The following PROSER1 variants were observed in gnomAD, a reference collection of about 807,000 sequenced individuals.
The protein encoded by PROSER1 is proline and serine-rich protein 1.
PROSER1 carries 36 observed loss-of-function variants against 71.8 expected under a neutral mutation model. The ratio of observed to expected loss-of-function variants is 0.50; its 90% confidence interval spans 0.38 to 0.66. The LOEUF is 0.66. Among genes scored for constraint, PROSER1 ranks in the 30% least tolerant of loss-of-function variants. The pLI is 0.00. For synonymous variants in PROSER1, 490 were observed against 452.4 expected, an observed-to-expected ratio of 1.08 and a Z score of -1.06; for missense variants, 1,107 against 1,135.0, an observed-to-expected ratio of 0.98 and a Z score of 0.35.
At chr13:39,024,584 T>G (rs1206357529) in intron 6 of PROSER1, 28 bp from the exon 7 acceptor site, 7 of 1,409,522 alleles carry the variant, frequency 5.0e-6, no homozygotes, top group Non-Finnish European at 6.8e-6. Flanking sequence ...AAAAGGTAAT[T>G]GAAACTTAAA....
chr13:39,012,296 AT>A (rs1446875207), intron 11 of PROSER1, 63 bp from the exon 12 acceptor site: 1 of 1,490,032 alleles, frequency 6.7e-7, no homozygotes, highest in Non-Finnish European at 9.3e-7. Context: ...CTGTTTCCAT[AT>A]TTGTCAAATA....
Position 39,037,460 on chromosome 13 carries a change from A to G in PROSER1, c.-218T>C. On this transcript the variant is annotated 5_prime_UTR_variant, in exon 1 of 13. Transcript: ENST00000352251. ...AAAAACTCTTTTTATTAAAAAGAAA[A>G]AACACTCCAGTCAGGCTTCCCCAGC... The G allele has an allele frequency of 1.8e-6, 1 of 546,814 alleles. No individual in the cohort carries two copies. The highest frequency in any genetic ancestry group is 3.2e-6 in the Non-Finnish European group (1 of 309,198). 33.9% of individuals were successfully genotyped at this position (546,814 alleles called of 1,614,324 possible). A position where few individuals can be genotyped will look rare whatever the true frequency, so the allele number is the denominator to read the frequency against.
intron 2 of PROSER1, among the ~76,000 whole-genome samples, chr13:39,033,012 C>T (rs1208574615): frequency 4.6e-5 from 7 of 152,072 alleles, no homozygotes; most frequent in Non-Finnish European, 1.0e-4. Context: ...GCTCTGCCTC[C>T]TGGGTTCAAG....
In PROSER1 at chr13:39,014,754, C is replaced by T. The variant is rs17227206; in HGVS notation, c.776-278G>A. On this transcript the variant is annotated intron_variant, in intron 10 of 12. Transcript: ENST00000352251. ...TGCGAAGTGTCCTTTCATGTTTTTC[C>T]GCTTTTTAAAAATTAAAGCATTTAT... Among the ~76,000 whole-genome samples the T allele has an allele frequency of 5.6e-3, 849 of 152,228 alleles. 3 individuals carry two copies. The highest frequency in any genetic ancestry group is 8.7e-3 in the Non-Finnish European group (593 of 68,008).
intron 3 of PROSER1, among the ~76,000 whole-genome samples, chr13:39,030,669 T>C (rs7489497): frequency 0.32 from 49,003 of 151,880 alleles, 9,761 homozygotes; most frequent in African/African-American, 0.56. Context: ...CTCAAGCGAT[T>C]CTCCTATCTC....
rs375503411 is a variant in PROSER1, at chr13:39,014,286, TGAG to T, written c.963_965del (p.Ser322del). 68 of 1,614,112 alleles carry T rather than the reference TGAG, an allele frequency of 4.2e-5. No homozygotes were observed. The East Asian group carries it at 1.2e-3, about 28-fold the overall frequency. On this transcript the variant is annotated inframe_deletion, in exon 11 of 13. Transcript: ENST00000352251. ...TTGATGGCTGAGGTGTGTGAACGGC[TGAG>T]GAGACCTGCCCTGGGAACACAGGAA...
chr13:39,024,434 G>A (rs767714406), intron 7 of PROSER1, 39 bp downstream of exon 7: 19 of 1,398,750 alleles, frequency 1.4e-5, no homozygotes, highest in Non-Finnish European at 1.8e-5. Flanking sequence ...CTTTATGTAG[G>A]AAGGAGTTTG....
rs1168459061 is a variant in PROSER1 at position 39,010,548 on chromosome 13, T to C, written c.*817A>G. 2.0e-5 allele frequency: 3 copies of C among 152,670 alleles called. No homozygotes were observed. The highest frequency in any genetic ancestry group is 7.2e-5 in the African/African-American group (3 of 41,470). The allele number at this position is 152,670 out of a possible 1,614,324, so 9.5% of individuals were successfully genotyped here. Reference sequence around the variant, plus strand: ...TGACTTAAAGTACAAATAGAAATACTACATCCCATAATTGTAAACATTCAC... The same window carrying C: ...TGACTTAAAGTACAAATAGAAATACCACATCCCATAATTGTAAACATTCAC... On this transcript the variant is annotated 3_prime_UTR_variant, in exon 13 of 13. Coordinates refer to ENST00000352251, the MANE Select transcript of PROSER1 (RefSeq NM_025138.5).
At position 39,014,206 on chromosome 13, in the gene PROSER1, G is replaced by C. The variant is rs1402790423; in HGVS notation, c.1046C>G (p.Ser349Cys). 1 of 1,614,192 alleles carries C rather than the reference G, an allele frequency of 6.2e-7. No homozygotes were observed. Among genetic ancestry groups the C allele is most frequent in the South Asian group, 1.1e-5 (1 of 91,090 alleles). Residue 349 changes from serine (S) to cysteine (C), a missense_variant, in exon 11 of 13, where the codon TCC becomes TGC. By Grantham distance (112) the Ser-to-Cys change is moderately radical. Transcript: ENST00000352251. ...AGGAGTGGTGGTTGTACTGTGGATG[G>C]ATGTAACAGGTGCAGTGGGCAATGA... ...TPSLPTAPVT[S>C]IHSTTTTPVP...
In PROSER1 at chr13:39,031,611, A is replaced by G. The variant is rs1870846405; in HGVS notation, c.132T>C (p.Tyr44=). 1 of 1,613,286 alleles carries G rather than the reference A, an allele frequency of 6.2e-7. No homozygotes were observed. The highest frequency in any genetic ancestry group is 8.5e-7 in the Non-Finnish European group (1 of 1,179,716). ...SSEQVVDLLR[Y]FSWAEPQLKA... ...TCAACTGGGGCTCGGCCCAGGAAAA[A>G]TATCTCAGCAAATCAACCACCTGAA... The change falls in exon 3 of 13, where the codon TAT becomes TAC. Residue 44 remains tyrosine (Y), a synonymous_variant. Transcript: ENST00000352251.
At chr13:39,011,881 T>C (rs549554706) in intron 12 of PROSER1, among the ~76,000 whole-genome samples, 1 of 152,290 alleles carries the variant, frequency 6.6e-6, no homozygotes, top group African/African-American at 2.4e-5. Flanking sequence ...AACTATATCC[T>C]ACCACCTCTG....
At chr13:39,027,791 T>C (rs1870614735) in intron 5 of PROSER1, among the ~76,000 whole-genome samples, 2 of 152,202 alleles carry the variant, frequency 1.3e-5, no homozygotes, top group African/African-American at 4.8e-5. Context: ...ATTTCTCCCA[T>C]TCTTACAGAT....
intron 6 of PROSER1, among the ~76,000 whole-genome samples, chr13:39,025,041 T>C (rs1870480528): frequency 6.6e-6 from 1 of 152,186 alleles, no homozygotes; most frequent in African/African-American, 2.4e-5. Context: ...TTGCTTTTTT[T>C]CGGAATACAG....
intron 9 of PROSER1, among the ~76,000 whole-genome samples, chr13:39,018,449 A>T (rs781095414): frequency 1.9e-4 from 29 of 150,654 alleles, no homozygotes; most frequent in African/African-American, 7.1e-4. Flanking sequence ...AGATTTAATT[A>T]AAGAAAAAGG....
chr13:39,014,382 C>T lies in PROSER1; in HGVS notation c.870G>A (p.Lys290=). Residue 290 remains lysine (K), a synonymous_variant, in exon 11 of 13, where the codon AAG becomes AAA. Transcript: ENST00000352251. ...CTGATGCTGATGGATGATTAATTGC[C>T]TTGACTGGGGATGCAGTAGGAACAG... ...ATPVPTASPV[K]AINHPSASAA... The T allele has an allele frequency of 6.2e-7, 1 of 1,614,008 alleles. No homozygotes were observed. Among genetic ancestry groups the T allele is most frequent in the Non-Finnish European group, 8.5e-7 (1 of 1,180,010 alleles).
In PROSER1 at chr13:39,014,434, G is replaced by C. The variant is rs1566022683; in HGVS notation, c.818C>G (p.Ser273Cys). 1 of 1,613,556 alleles carries C rather than the reference G, an allele frequency of 6.2e-7. No individual in the cohort carries two copies. The highest frequency in any genetic ancestry group is 1.7e-5 in the Admixed American group (1 of 60,002). The part of the protein sequence containing the change: ...PASQLFSPHG[S>C]NPSTPAATPV... ...AGTTGCAGCAGGTGTTGAAGGATTAGAACCATGAGGAGAAAAGAGTTGACT... is the reference window on the plus strand; with the variant it reads ...AGTTGCAGCAGGTGTTGAAGGATTACAACCATGAGGAGAAAAGAGTTGACT... Residue 273 changes from serine (S) to cysteine (C), a missense_variant, in exon 11 of 13, where the codon TCT becomes TGT. Coordinates refer to ENST00000352251, the MANE Select transcript of PROSER1 (RefSeq NM_025138.5).
At chr13:39,017,719 TTAC>T (rs1409757827) in intron 9 of PROSER1, 175 bp from the exon 10 acceptor site, 5 of 530,874 alleles carry the variant, frequency 9.4e-6, no homozygotes, top group South Asian at 2.4e-5. Flanking sequence ...TCTACTATTA[TTAC>T]TACTAATACT....
At position 39,012,729 on chromosome 13, in the gene PROSER1, G is replaced by C. The variant is rs1186604409; in HGVS notation, c.2523C>G (p.Phe841Leu). The C allele has an allele frequency of 6.2e-7, 1 of 1,603,862 alleles. No homozygotes were observed. The change falls in exon 11 of 13, where the codon TTC becomes TTG. Residue 841 changes from phenylalanine (F) to leucine (L), a missense_variant. Transcript: ENST00000352251. ...APVLPGFASA[F>L]SSNFNSALVA... is the part of the protein sequence containing the mutation. ...CAAGAGCGGAGTTGAAATTGGAACT[G>C]AATGCTGAGGCGAATCCTGGGAGGA...
intron 9 of PROSER1, among the ~76,000 whole-genome samples, chr13:39,019,855 A>C (rs1386262369): frequency 6.6e-6 from 1 of 151,966 alleles, no homozygotes; most frequent in South Asian, 2.1e-4. Context: ...TAAAAATAAA[A>C]ATTCAGCTAT....
Sources: allele counts gnomAD v4.1 joint callset (sites outside exome capture counted in the v4.1 genomes callset), GRCh38; gene constraint gnomAD v4.1.1; transcripts MANE v1.5; gene names NCBI Gene and HGNC (gene_info 2026-07-23, HGNC 2026-07-21).